Variants in SOX5 observed in about 807,000 individuals in gnomAD.
SOX5 encodes SRY-box transcription factor 5.
A neutral mutation model predicts 92.0 loss-of-function variants in SOX5; 9 were observed. The ratio of observed to expected loss-of-function variants is 0.10; its 90% confidence interval spans 0.06 to 0.17. SOX5 has a LOEUF of 0.17. SOX5 is among the 10% of genes least tolerant of loss of function. The probability of loss-of-function intolerance (pLI) is 1.00; values close to 1 mark genes in which losing one functional copy is unlikely to be tolerated. For missense variants in SOX5, 642 were observed against 944.5 expected (o/e 0.68, Z 4.20); for synonymous variants, 344 against 336.3 (o/e 1.02, Z -0.25).
chr12:24,094,258 C>T (rs1414559571), intron 4 of SOX5, among the ~76,000 whole-genome samples: 2 of 152,102 alleles, frequency 1.3e-5, no homozygotes, highest in African/African-American at 4.8e-5. Context: ...AATTGTATAT[C>T]ATTTTAATTT....
chr12:24,326,515 G>A (rs894474185), intron 2 of SOX5, among the ~76,000 whole-genome samples: 3 of 152,026 alleles, frequency 2.0e-5, no homozygotes, highest in African/African-American at 4.8e-5. Flanking sequence ...ATGAGTGTCT[G>A]GCATATAGTT....
At chr12:24,394,136 CACA>C (rs1959230894) in intron 1 of SOX5, among the ~76,000 whole-genome samples, 1 of 152,130 alleles carries the variant, frequency 6.6e-6, no homozygotes, top group Non-Finnish European at 1.5e-5. Context: ...TTTTATCACA[CACA>C]ACAAGGGAAG....
chr12:23,731,588 CACA>C (rs931428634), intron 6 of SOX5, among the ~76,000 whole-genome samples: 2 of 152,092 alleles, frequency 1.3e-5, no homozygotes, highest in Non-Finnish European at 2.9e-5. Context: ...AGCAAGATCT[CACA>C]ACAACAATGA....
intron 6 of SOX5, among the ~76,000 whole-genome samples, chr12:23,733,455 C>T (rs948362718): frequency 1.3e-5 from 2 of 152,140 alleles, no homozygotes; most frequent in African/African-American, 2.4e-5. Flanking sequence ...TGGATTATAA[C>T]ATGTTGGAAA....
Position 24,341,410 on chromosome 12 carries a change from G to A in SOX5, c.-174+27153C>T, listed in dbSNP as rs142278453. Among the ~76,000 whole-genome samples, 53 of 152,312 alleles carry A rather than the reference G, an allele frequency of 3.5e-4. 2 individuals carry two copies. In the East Asian group the frequency reaches 9.7e-3, roughly 28 times the overall value. On this transcript the variant is annotated intron_variant, in intron 2 of 4. Coordinates refer to the SOX5 transcript ENST00000446891. Reference sequence around the variant, plus strand: ...GGAGGATTGCTTGAGCCTGGGAGGTGGAGGCCGCAGTGAGCTGTGATCACA... The same window carrying A: ...GGAGGATTGCTTGAGCCTGGGAGGTAGAGGCCGCAGTGAGCTGTGATCACA...
chr12:24,249,955 C>A (rs1939694669), intron 3 of SOX5, among the ~76,000 whole-genome samples: 1 of 152,070 alleles, frequency 6.6e-6, no homozygotes, highest in Non-Finnish European at 1.5e-5. Context: ...ATATTTAAAC[C>A]ACAAGAAAGC....
intron 3 of SOX5, among the ~76,000 whole-genome samples, chr12:24,238,462 C>T (rs1964947709): frequency 6.6e-6 from 1 of 152,192 alleles, no homozygotes; most frequent in Non-Finnish European, 1.5e-5. Flanking sequence ...GGTGATCCTC[C>T]CACCTCAACC....
intron 1 of SOX5, among the ~76,000 whole-genome samples, chr12:24,405,224 C>T (rs780271851): frequency 4.6e-5 from 7 of 152,102 alleles, no homozygotes; most frequent in Admixed American, 3.3e-4. Flanking sequence ...ATAAATTATG[C>T]GGTGCCATTT....
intron 3 of SOX5, among the ~76,000 whole-genome samples, chr12:23,827,695 C>T (rs2096254466): frequency 6.6e-6 from 1 of 152,146 alleles, no homozygotes; most frequent in Non-Finnish European, 1.5e-5. Context: ...GAGCTGCATG[C>T]TCACATAAAA....
intron 4 of SOX5, among the ~76,000 whole-genome samples, chr12:24,203,918 T>G (rs1295982920): frequency 6.6e-6 from 1 of 152,190 alleles, no homozygotes; most frequent in Non-Finnish European, 1.5e-5. Context: ...CTGAATACTC[T>G]AATTCACTTC....
intron 6 of SOX5, among the ~76,000 whole-genome samples, chr12:23,734,256 A>G (rs931096284): frequency 1.3e-5 from 2 of 152,136 alleles, no homozygotes. Flanking sequence ...TACCATCCCT[A>G]TGTTCCATCT....
rs1384181833 is a variant in SOX5 at position 23,534,131 on chromosome 12, G to A, written c.*88C>T. 9.3e-7 allele frequency: 1 copy of A among 1,071,828 alleles called. No homozygotes were observed. 66.4% of individuals were successfully genotyped at this position (1,071,828 alleles called of 1,614,324 possible). A position where few individuals can be genotyped will look rare whatever the true frequency, so the allele number is the denominator to read the frequency against. On this transcript the variant is annotated 3_prime_UTR_variant, in exon 15 of 15. Transcript: ENST00000451604. ...ACAGTTAAAGTAACAGTCAGTGTATGAGAAAGTTAATGTGCTTGGCCACTG... is the reference window on the plus strand; with the variant it reads ...ACAGTTAAAGTAACAGTCAGTGTATAAGAAAGTTAATGTGCTTGGCCACTG...
chr12:23,916,710 T>C (rs545191680), intron 1 of SOX5, among the ~76,000 whole-genome samples: 51 of 152,334 alleles, frequency 3.3e-4, no homozygotes, highest in Non-Finnish European at 6.5e-4. Context: ...ATAATCAATG[T>C]AGCCTTTCCG....
intron 1 of SOX5, among the ~76,000 whole-genome samples, chr12:24,426,042 T>C (rs1297387784): frequency 6.6e-6 from 1 of 151,992 alleles, no homozygotes; most frequent in Non-Finnish European, 1.5e-5. Flanking sequence ...ATAATTAAAG[T>C]CATCATTATA....
chr12:24,198,553 T>G (rs756515657), intron 4 of SOX5, among the ~76,000 whole-genome samples: 1 of 152,170 alleles, frequency 6.6e-6, no homozygotes, highest in Non-Finnish European at 1.5e-5. Context: ...CACTGAGACC[T>G]CTGCATGATG....
At chr12:24,080,860 T>C (rs1943243849) in intron 4 of SOX5, among the ~76,000 whole-genome samples, 1 of 151,918 alleles carries the variant, frequency 6.6e-6, no homozygotes, top group Non-Finnish European at 1.5e-5. Context: ...ATGATTTTAA[T>C]ACATCTCATT....
At position 23,612,517 on chromosome 12, in the gene SOX5, C is replaced by A. The variant is rs143366524; in HGVS notation, c.1018-7984G>T. Among the ~76,000 whole-genome samples the A allele has an allele frequency of 3.8e-3, 578 of 152,112 alleles. 3 individuals are homozygous for A. Among genetic ancestry groups the A allele is most frequent in the African/African-American group, 0.013 (537 of 41,524 alleles). On this transcript the variant is annotated intron_variant, in intron 8 of 14. Transcript: ENST00000451604. ...TAAAAGAACATTATAGAGCTAAAAT[C>A]TTGATGATTAATAGCACCTCCCAGG...
intron 1 of SOX5, among the ~76,000 whole-genome samples, chr12:24,463,585 C>T (rs1207471268): frequency 3.9e-5 from 6 of 152,170 alleles, no homozygotes; most frequent in Admixed American, 6.5e-5. Context: ...TCCCGTGATA[C>T]TATCTTATTT....
chr12:24,304,071 A>C (rs1948297328), intron 2 of SOX5, among the ~76,000 whole-genome samples: 1 of 152,202 alleles, frequency 6.6e-6, no homozygotes, highest in Non-Finnish European at 1.5e-5. Flanking sequence ...GTCAGAACGT[A>C]ACATAATGAA....
Sources: gnomAD v4.1 joint callset for allele counts (sites outside exome capture counted in the v4.1 genomes callset) on GRCh38, gnomAD v4.1.1 for gene constraint, MANE v1.5 for transcripts, NCBI Gene and HGNC (gene_info 2026-07-23, HGNC 2026-07-21) for gene names.